Variants in NPLOC4 observed in about 807,000 individuals in gnomAD.
NPLOC4 encodes the protein nuclear protein localization protein 4 homolog.
In NPLOC4, 18 loss-of-function variants were observed where a neutral mutation model predicts 80.6. That is an observed-to-expected ratio of 0.22 (90% CI 0.15 to 0.33). NPLOC4 has a LOEUF of 0.33. Ranked by LOEUF, NPLOC4 falls within the 10% of genes least tolerant of loss-of-function variation. The pLI is 1.00. For missense variants in NPLOC4, 540 were observed against 786.1 expected, an observed-to-expected ratio of 0.69 and a Z score of 3.74; for synonymous variants, 313 against 301.5, an observed-to-expected ratio of 1.04 and a Z score of -0.39.
At chr17:81,575,186 G>T (rs946904177) in intron 12 of NPLOC4, among the ~76,000 whole-genome samples, 50 of 152,046 alleles carry the variant, frequency 3.3e-4, no homozygotes, top group African/African-American at 1.2e-3. Flanking sequence ...TGCAAGCTCC[G>T]CCTCCCGGGT....
At position 81,567,514 on chromosome 17, in the gene NPLOC4, G is replaced by A; in HGVS notation, c.1469C>T (p.Thr490Ile). 6.2e-7 allele frequency: 1 copy of A among 1,611,806 alleles called. No homozygotes were observed. Among genetic ancestry groups the A allele is most frequent in the South Asian group, 1.1e-5 (1 of 90,860 alleles). Residue 490 changes from threonine (T) to isoleucine (I), a missense_variant, in exon 15 of 17, where the codon ACC (threonine) becomes ATC (isoleucine). By Grantham distance (89) the Thr-to-Ile change is moderately conservative. This residue lies in a region of NPLOC4 where 251 missense variants were observed against 377.5 expected (regional missense o/e 0.66). Coordinates refer to ENST00000331134, the MANE Select transcript of NPLOC4 (RefSeq NM_017921.4). The surrounding 1 kb of genome is among the most constrained non-coding windows in gnomAD (Gnocchi z 4.5). ...AGATGAGGTATTCTGAGACAAATAG[G>A]TGGCCAAGCTATGGAAGTCCTAGAG... ...GETQDFHSLA[T>I]YLSQNTSSVF...
At chr17:81,588,865 T>C in intron 12 of NPLOC4, 79 bp downstream of exon 12, 9 of 1,288,564 alleles carry the variant, frequency 7.0e-6, no homozygotes, top group South Asian at 1.5e-5. Flanking sequence ...ATAGGCAGAA[T>C]GCACCCAAAT....
At chr17:81,590,028 G>C (rs1302588786) in intron 11 of NPLOC4, among the ~76,000 whole-genome samples, 1 of 152,130 alleles carries the variant, frequency 6.6e-6, no homozygotes, top group Non-Finnish European at 1.5e-5. Context: ...AGAGAGATGG[G>C]GAAGCGGGTG....
At chr17:81,610,681 G>A (rs371479866) in intron 4 of NPLOC4, among the ~76,000 whole-genome samples, 31,172 of 82,710 alleles carry the variant, frequency 0.38, 7,337 homozygotes, top group Non-Finnish European at 0.52. Flanking sequence ...GGCCGGGCGC[G>A]GTGGCTCACG....
chr17:81,592,165 C>T (rs1395689275), intron 11 of NPLOC4, among the ~76,000 whole-genome samples: 1 of 152,204 alleles, frequency 6.6e-6, no homozygotes, highest in Admixed American at 6.5e-5. Context: ...AGGGGCGCCC[C>T]GCACCCTATG....
chr17:81,618,184 C>T (rs1466604227), intron 3 of NPLOC4, among the ~76,000 whole-genome samples: 1 of 151,716 alleles, frequency 6.6e-6, no homozygotes, highest in Non-Finnish European at 1.5e-5. Flanking sequence ...GCGTCTCTGC[C>T]CGGCCGCCAT....
intron 12 of NPLOC4, among the ~76,000 whole-genome samples, chr17:81,576,262 TA>T (rs1334749745): frequency 2.2e-4 from 33 of 151,908 alleles, no homozygotes; most frequent in African/African-American, 2.4e-5. Context: ...ACGGAAAGAG[TA>T]TGTAGGTAGA....
rs2034661712 is a variant in NPLOC4, at chr17:81,588,962, C to A, written c.1263G>T (p.Val421=). The A allele has an allele frequency of 6.2e-7, 1 of 1,613,482 alleles. No homozygotes were observed. The highest frequency in any genetic ancestry group is 1.1e-5 in the South Asian group (1 of 91,044). ...CTTTTACCTTATAAAACACATCAGG[C>A]ACGTACTGCTCACTGCTAGACTCCT... ...YAKESSSEQY[V]PDVFYKDVDK... The change falls in exon 12 of 17, where the codon GTG becomes GTT. Residue 421 remains valine, a synonymous_variant. Transcript: ENST00000331134.
At chr17:81,594,467 T>C (rs2034841899) in intron 11 of NPLOC4, among the ~76,000 whole-genome samples, 1 of 151,748 alleles carries the variant, frequency 6.6e-6, no homozygotes, top group African/African-American at 2.4e-5. Flanking sequence ...ACAGCAAGAC[T>C]TCATTTCTAC....
chr17:81,634,335 A>G (rs1226803618), intron 1 of NPLOC4, among the ~76,000 whole-genome samples: 2 of 152,072 alleles, frequency 1.3e-5, no homozygotes, highest in African/African-American at 4.8e-5. Flanking sequence ...TCTTAAATTC[A>G]AAATAACTTT....
chr17:81,618,655 T>C (rs1212261506), intron 3 of NPLOC4, among the ~76,000 whole-genome samples: 1 of 148,182 alleles, frequency 6.7e-6, no homozygotes, highest in Non-Finnish European at 1.5e-5. Flanking sequence ...CCGCCCCTAC[T>C]GGGAAGTGAG....
At chr17:81,632,868 C>T (rs1311327019) in intron 1 of NPLOC4, among the ~76,000 whole-genome samples, 1 of 152,164 alleles carries the variant, frequency 6.6e-6, no homozygotes, top group Non-Finnish European at 1.5e-5. Context: ...TTTCCCATAA[C>T]TTTCACTTGG....
chr17:81,628,884 CTTT>C (rs34905643), intron 2 of NPLOC4, among the ~76,000 whole-genome samples: 2 of 145,314 alleles, frequency 1.4e-5, no homozygotes, highest in Non-Finnish European at 3.0e-5. Flanking sequence ...ACAATTCATA[CTTT>C]TTTTTTTTTT....
chr17:81,610,373 T>G (rs1338444599), intron 4 of NPLOC4, 115 bp from the exon 5 acceptor site: 8 of 843,266 alleles, frequency 9.5e-6, no homozygotes, highest in Non-Finnish European at 1.6e-5. Flanking sequence ...CACGTGGAGT[T>G]ATATTCCAGA....
intron 11 of NPLOC4, among the ~76,000 whole-genome samples, chr17:81,594,228 CA>C: frequency 8.1e-6 from 1 of 122,748 alleles, no homozygotes; most frequent in Middle Eastern, 7.6e-3. Flanking sequence ...TGAGCCAAGA[CA>C]GCGCCACTGC....
At position 81,603,321 on chromosome 17, in the gene NPLOC4, C is replaced by T. The variant is rs896814897; in HGVS notation, c.834+1227G>A. Among the ~76,000 whole-genome samples the T allele has an allele frequency of 3.9e-5, 6 of 152,106 alleles. No homozygotes were observed. In the South Asian group the frequency reaches 1.2e-3, roughly 32 times the overall value. On this transcript the variant is annotated intron_variant, in intron 8 of 16. Coordinates refer to ENST00000331134, the MANE Select transcript of NPLOC4 (RefSeq NM_017921.4). ...ACTTTTAAAAATATTTCTGGCTGGGCACAGTGGCTCCTACCTGTAATCTCA... is the reference window on the plus strand; with the variant it reads ...ACTTTTAAAAATATTTCTGGCTGGGTACAGTGGCTCCTACCTGTAATCTCA...
intron 8 of NPLOC4, among the ~76,000 whole-genome samples, chr17:81,602,170 C>T (rs1052986689): frequency 2.6e-5 from 4 of 152,108 alleles, no homozygotes; most frequent in African/African-American, 9.7e-5. Context: ...GTCCCAGCTA[C>T]TTGGGAGAAA....
intron 16 of NPLOC4, among the ~76,000 whole-genome samples, chr17:81,560,335 C>A (rs1002418684): frequency 6.6e-6 from 1 of 152,090 alleles, no homozygotes; most frequent in Non-Finnish European, 1.5e-5. Flanking sequence ...ATCCCATGAA[C>A]CCGGGAGGGG....
At chr17:81,571,844 T>C (rs1235085905) in intron 13 of NPLOC4, among the ~76,000 whole-genome samples, 173 bp downstream of exon 13, 2 of 152,140 alleles carry the variant, frequency 1.3e-5, no homozygotes, top group Admixed American at 1.3e-4. Flanking sequence ...CAACACCGCA[T>C]GCTCAGTGAT....
Sources: allele counts gnomAD v4.1 joint callset (sites outside exome capture counted in the v4.1 genomes callset), GRCh38; gene constraint gnomAD v4.1.1; regional missense constraint gnomAD v4.1.1; non-coding constraint Gnocchi (gnomAD v3.1); transcripts MANE v1.5; gene names NCBI Gene and HGNC (gene_info 2026-07-23, HGNC 2026-07-21).